GATB: variants seen among roughly 807,000 people sequenced by gnomAD.
The protein encoded by GATB is glutamyl-tRNA amidotransferase subunit B, also known as glutamyl-tRNA(Gln) amidotransferase subunit B, mitochondrial.
GATB carries 39 observed loss-of-function variants against 62.3 expected under a neutral mutation model. That is an observed-to-expected ratio of 0.63 (90% CI 0.48 to 0.82). GATB has a LOEUF of 0.82. GATB is among the 40% of genes least tolerant of loss of function. GATB has a pLI of 0.00. For missense variants in GATB, 670 were observed against 684.0 expected (o/e 0.98, Z 0.23); for synonymous variants, 276 against 258.9 (o/e 1.07, Z -0.63).
intron 3 of GATB, among the ~76,000 whole-genome samples, chr4:151,718,662 C>T (rs558523684): frequency 6.6e-6 from 1 of 152,212 alleles, no homozygotes; most frequent in East Asian, 1.9e-4. Context: ...AACAGCTCGC[C>T]CCAATCTTCA....
chr4:151,685,439 G>A lies in GATB; in HGVS notation c.1331+3191C>T, dbSNP rs529408932. ...GGGTTCATGGCTGAATCCCCCTGAC[G>A]TTCCAGAGGCTCCCTATTCCGGCTC... On this transcript the variant is annotated intron_variant, in intron 10 of 12. Coordinates refer to ENST00000263985, the MANE Select transcript of GATB (RefSeq NM_004564.3). Among the ~76,000 whole-genome samples the A allele has an allele frequency of 2.5e-3, 384 of 152,278 alleles. 1 individual carries two copies. The highest frequency in any genetic ancestry group is 0.01 in the Middle Eastern group (3 of 294).
intron 9 of GATB, among the ~76,000 whole-genome samples, chr4:151,697,955 A>ATATATATATATATATATATGTG (rs1560847696): frequency 2.8e-5 from 1 of 35,150 alleles, no homozygotes; most frequent in African/African-American, 1.6e-4. Flanking sequence ...GTGTGTGTGT[A>ATATATATATATATATATATGTG]TATATATATA....
intron 2 of GATB, among the ~76,000 whole-genome samples, chr4:151,735,110 C>T (rs900325082): frequency 3.3e-5 from 5 of 151,726 alleles, no homozygotes; most frequent in Admixed American, 2.6e-4. Context: ...AGAGCTTTTG[C>T]ACAGCAAAAG....
intron 10 of GATB, among the ~76,000 whole-genome samples, chr4:151,680,913 C>T (rs578068928): frequency 8.5e-5 from 13 of 152,240 alleles, no homozygotes; most frequent in African/African-American, 3.1e-4. Context: ...GATACTCAAC[C>T]TGTATTTATA....
chr4:151,732,527 A>C (rs534172598), intron 2 of GATB, among the ~76,000 whole-genome samples: 1 of 151,802 alleles, frequency 6.6e-6, no homozygotes. Context: ...CAGCATGCTC[A>C]TTAAGAGTCA....
In GATB at chr4:151,688,766, G is replaced by A; in HGVS notation, c.1198-3C>T. ...AACTCCAGTAGGCCGACTTCGTTCT[G>A]TTAAAAAAAAAAAAAGAAAATTACA... On this transcript the variant is annotated splice_polypyrimidine_tract_variant and splice_region_variant and intron_variant, in intron 9 of 12. Transcript: ENST00000263985. 4 of 1,490,436 alleles carry A rather than the reference G, an allele frequency of 2.7e-6. No homozygotes were observed. The South Asian group carries it at 5.0e-5, about 19-fold the overall frequency. 92.3% of individuals were successfully genotyped at this position (1,490,436 alleles called of 1,614,324 possible).
At position 151,719,424 on chromosome 4, in the gene GATB, C is replaced by T. The variant is rs769320829; in HGVS notation, c.441+1G>A. 2.5e-6 allele frequency: 4 copies of T among 1,603,288 alleles called. No homozygotes were observed. The East Asian group carries it at 6.7e-5, about 27-fold the overall frequency. On this transcript the variant is annotated splice_donor_variant, in intron 3 of 12. Coordinates refer to ENST00000263985, the MANE Select transcript of GATB (RefSeq NM_004564.3). LOFTEE classifies it high-confidence loss of function. Reference sequence around the variant, plus strand: ...TGGGGTGGATCACAAAGTGTACTTACAGGGAGGTCTGCATAGAAGTAGTGC... The same window carrying T: ...TGGGGTGGATCACAAAGTGTACTTATAGGGAGGTCTGCATAGAAGTAGTGC...
At chr4:151,707,558 GCTGGGATTATAGGCATGAGGCA>G (rs1385671960) in intron 6 of GATB, among the ~76,000 whole-genome samples, 1 of 152,190 alleles carries the variant, frequency 6.6e-6, no homozygotes, top group Non-Finnish European at 1.5e-5. Context: ...TTCCCAAAGT[GCTGGGATTATAGGCATGAGGCA>G]CTGTGCCTGG....
chr4:151,677,927 C>T (rs959759443), intron 11 of GATB: 1 of 152,066 alleles, frequency 6.6e-6, no homozygotes. Context: ...TGCTATCTTT[C>T]CTTCCTCCCT....
At chr4:151,734,217 C>T (rs946701847) in intron 2 of GATB, among the ~76,000 whole-genome samples, 1 of 152,100 alleles carries the variant, frequency 6.6e-6, no homozygotes, top group Non-Finnish European at 1.5e-5. Flanking sequence ...CCAGAAAGCT[C>T]CTAGAACTGA....
chr4:151,741,632 A>T (rs1739489507), intron 2 of GATB, among the ~76,000 whole-genome samples: 1 of 152,208 alleles, frequency 6.6e-6, no homozygotes, highest in Non-Finnish European at 1.5e-5. Context: ...TGAGTCAGGG[A>T]GATGCTCTGC....
chr4:151,679,722 T>A, intron 11 of GATB, 91 bp downstream of exon 11: 1 of 1,031,420 alleles, frequency 9.7e-7, no homozygotes, highest in South Asian at 1.3e-5. Flanking sequence ...ACTTCCATGA[T>A]GAAAGTCACT....
At position 151,733,901 on chromosome 4, in the gene GATB, C is replaced by G. The variant is rs776757723; in HGVS notation, c.328-14363G>C. Among the ~76,000 whole-genome samples, 4 of 152,194 alleles carry G rather than the reference C, an allele frequency of 2.6e-5. No homozygotes were observed. In the South Asian group the frequency reaches 8.3e-4, roughly 32 times the overall value. ...AGGGCATTCGACAAAATCCAGCATC[C>G]CTTTATAATTAAATCCTCAGCAAAA... On this transcript the variant is annotated intron_variant, in intron 2 of 12. Coordinates refer to ENST00000263985, the MANE Select transcript of GATB (RefSeq NM_004564.3).
intron 2 of GATB, among the ~76,000 whole-genome samples, chr4:151,731,252 T>C (rs1350344678): frequency 1.3e-5 from 2 of 152,160 alleles, no homozygotes; most frequent in Non-Finnish European, 2.9e-5. Context: ...GTGCCTGCCA[T>C]TGCGGGCGCG....
At position 151,709,496 on chromosome 4, in the gene GATB, C is replaced by G. The variant is rs767316114; in HGVS notation, c.764-1395G>C. 3.9e-4 allele frequency among the ~76,000 whole-genome samples: 60 copies of G among 152,320 alleles called. 1 individual carries two copies. Among genetic ancestry groups the G allele is most frequent in the Admixed American group, 3.1e-3 (48 of 15,300 alleles). ...CAGGAAGTCCCAACTATTCCTGACA[C>G]CGTGAGACTCTCGGTCTAGGAACCC... On this transcript the variant is annotated intron_variant, in intron 5 of 12. Transcript: ENST00000263985.
At position 151,701,261 on chromosome 4, in the gene GATB, C is replaced by T. The variant is rs1041627664; in HGVS notation, c.1197+68G>A. On this transcript the variant is annotated intron_variant, in intron 9 of 12. Transcript: ENST00000263985. ...AGAGCCCATGGCAGCCTGTGTGTGG[C>T]GGGGCCTCTGAAGGGCACTGCCCCA... 6.2e-6 allele frequency: 8 copies of T among 1,293,658 alleles called. No individual in the cohort carries two copies. The South Asian group carries it at 1.2e-4, about 19-fold the overall frequency. 80.1% of individuals were successfully genotyped at this position (1,293,658 alleles called of 1,614,324 possible).
chr4:151,734,323 G>C (rs1031527380), intron 2 of GATB, among the ~76,000 whole-genome samples: 1 of 139,616 alleles, frequency 7.2e-6, no homozygotes, highest in African/African-American at 2.7e-5. Flanking sequence ...ACCAAATCAA[G>C]AACTCAACCC....
chr4:151,678,023 A>G (rs967289420), intron 11 of GATB: 2 of 152,118 alleles, frequency 1.3e-5, no homozygotes, highest in African/African-American at 4.8e-5. Flanking sequence ...TTGTTTTTCT[A>G]CATTACTTAT....
At chr4:151,704,909 C>G (rs1407723562) in intron 7 of GATB, among the ~76,000 whole-genome samples, 1 of 150,166 alleles carries the variant, frequency 6.7e-6, no homozygotes, top group Non-Finnish European at 1.5e-5. Context: ...TCACCATGCC[C>G]GGCTAATTTT....
Sources: allele counts gnomAD v4.1 joint callset (sites outside exome capture counted in the v4.1 genomes callset), GRCh38; gene constraint gnomAD v4.1.1; transcripts MANE v1.5; gene names NCBI Gene and HGNC (gene_info 2026-07-23, HGNC 2026-07-21).